ZNF512: variants seen among roughly 807,000 people sequenced by gnomAD.
ZNF512 encodes zinc finger protein 512.
Under a neutral mutation model 77.5 loss-of-function variants are expected in ZNF512, and 25 were observed. The observed-to-expected ratio is 0.32, with a 90% CI of 0.23 to 0.45. ZNF512 has a LOEUF of 0.45. ZNF512 is among the 20% of genes least tolerant of loss of function. The pLI is 1.00. For synonymous variants in ZNF512, 246 were observed against 239.9 expected, an observed-to-expected ratio of 1.03 and a Z score of -0.24; for missense variants, 483 against 692.6, an observed-to-expected ratio of 0.70 and a Z score of 3.40.
At chr2:27,592,646 C>T (rs1414752069) in intron 2 of ZNF512, among the ~76,000 whole-genome samples, 1 of 137,188 alleles carries the variant, frequency 7.3e-6, no homozygotes, top group Non-Finnish European at 1.6e-5. Flanking sequence ...AAAGTATACC[C>T]ATATAATTTA....
Position 27,617,453 on chromosome 2 carries a change from T to C in ZNF512, c.1297-20T>C, listed in dbSNP as rs1572937405. On this transcript the variant is annotated intron_variant, in intron 12 of 13. Transcript: ENST00000355467. The stretch of plus-strand genomic sequence containing the variant: ...GCTGAATTTACCAGTAATTCTTTTT[T>C]GTTTCTCTCTTGGAAATAGGGAAAC... 7 of 996,026 alleles carry C rather than the reference T, an allele frequency of 7.0e-6. No homozygotes were observed. In the East Asian group the frequency reaches 1.7e-4, roughly 24 times the overall value. 61.7% of individuals were successfully genotyped at this position (996,026 alleles called of 1,614,324 possible).
intron 10 of ZNF512, among the ~76,000 whole-genome samples, chr2:27,609,034 G>A (rs1256718262): frequency 2.6e-5 from 4 of 151,766 alleles, no homozygotes; most frequent in African/African-American, 4.8e-5. Flanking sequence ...GCTTGAACCC[G>A]GGAGGTGGAG....
intron 2 of ZNF512, 51 bp downstream of exon 2, chr2:27,583,767 C>T (rs961457637): frequency 1.3e-6 from 2 of 1,589,866 alleles, no homozygotes; most frequent in Non-Finnish European, 1.7e-6. Context: ...CAGCGCTGAC[C>T]AGTAGAACTT....
chr2:27,593,025 C>G (rs929623558), intron 2 of ZNF512, among the ~76,000 whole-genome samples: 5 of 151,670 alleles, frequency 3.3e-5, no homozygotes, highest in African/African-American at 4.8e-5. Flanking sequence ...TCTCTTCACT[C>G]CCTCATGTCT....
At chr2:27,599,110 T>A (rs1340374621) in intron 3 of ZNF512, among the ~76,000 whole-genome samples, 5 of 152,130 alleles carry the variant, frequency 3.3e-5, no homozygotes, top group Non-Finnish European at 7.3e-5. Context: ...GTCTGTAATC[T>A]CAAAGTGCTG....
chr2:27,602,438 C>T, intron 7 of ZNF512, 25 bp from the exon 8 acceptor site: 1 of 1,599,248 alleles, frequency 6.3e-7, no homozygotes, highest in African/African-American at 1.3e-5. Context: ...GAATCATCTT[C>T]TTGTTTACTT....
At chr2:27,606,414 G>A (rs1416250842) in intron 9 of ZNF512, among the ~76,000 whole-genome samples, 1 of 151,442 alleles carries the variant, frequency 6.6e-6, no homozygotes, top group Non-Finnish European at 1.5e-5. Context: ...CCAGGCTGGA[G>A]TGCAGTGGTG....
intron 2 of ZNF512, among the ~76,000 whole-genome samples, chr2:27,585,731 T>G (rs1360855877): frequency 1.3e-5 from 2 of 151,988 alleles, no homozygotes; most frequent in Non-Finnish European, 2.9e-5. Context: ...CAGAAAGGAG[T>G]TGAAAATAGG....
chr2:27,583,295 T>C, intron 1 of ZNF512, 153 bp downstream of exon 1: 1 of 1,332,230 alleles, frequency 7.5e-7, no homozygotes, highest in South Asian at 1.2e-5. Context: ...CCTTTTTCTT[T>C]ACCCACGTTC....
chr2:27,621,300 C>A lies in ZNF512; in HGVS notation c.1543C>A (p.Pro515Thr). 1 of 1,614,106 alleles carries A rather than the reference C, an allele frequency of 6.2e-7. No individual in the cohort carries two copies. Among genetic ancestry groups the A allele is most frequent in the Middle Eastern group, 1.6e-4 (1 of 6,062 alleles). The change falls in exon 14 of 14, where the codon CCC (proline) becomes ACC (threonine). Residue 515 changes from proline to threonine, a missense_variant. Physicochemically the swap from Pro to Thr is conservative, Grantham distance 38 (BLOSUM62 -1). This residue lies in a region of ZNF512 where 324 missense variants were observed against 525.0 expected (regional missense o/e 0.62). Coordinates refer to ENST00000355467, the MANE Select transcript of ZNF512 (RefSeq NM_032434.4). ...GCGGCAGCAGCCTGGCATTGAGCTT[C>A]CCGAGACAGAGCTGAGTCTTAGAGT... ...RRRQQPGIEL[P>T]ETELSLRVGK... is the part of the protein sequence containing the mutation.
intron 10 of ZNF512, among the ~76,000 whole-genome samples, chr2:27,609,109 C>CA (rs770612268): frequency 0.023 from 2,104 of 91,268 alleles, 14 homozygotes; most frequent in Admixed American, 0.027. Context: ...ACTCTGTCTC[C>CA]AAAAAAAAAA....
chr2:27,598,986 C>T (rs1349208514), intron 3 of ZNF512, among the ~76,000 whole-genome samples: 1 of 152,128 alleles, frequency 6.6e-6, no homozygotes. Flanking sequence ...GGATTACAGG[C>T]ATGTGCCACC....
chr2:27,622,839 T>G lies in ZNF512; in HGVS notation c.*1378T>G, dbSNP rs1321702556. 1 of 152,846 alleles carries G rather than the reference T, an allele frequency of 6.5e-6. No homozygotes were observed. Among genetic ancestry groups the G allele is most frequent in the African/African-American group, 2.4e-5 (1 of 41,478 alleles). 9.5% of individuals were successfully genotyped at this position (152,846 alleles called of 1,614,324 possible). ...TGTGCTCCTCCAAATAGCTTTAAAA[T>G]GTGGGCTTTTGTGAAGACCACTTTC... On this transcript the variant is annotated 3_prime_UTR_variant, in exon 14 of 14. Transcript: ENST00000355467.
rs757231191 is a variant in ZNF512 at position 27,598,200 on chromosome 2, A to G, written c.223A>G (p.Thr75Ala). The change falls in exon 3 of 14, where the codon ACC (threonine) becomes GCC (alanine). Residue 75 changes from threonine to alanine, a missense_variant. Transcript: ENST00000355467. ...TTTTCCAGCATCTTTCCGAAAATCT[A>G]CCTACTGGATGAAGATGAGAAGAAT... is the stretch of plus-strand genomic sequence containing the variant. ...SDFPASFRKS[T>A]YWMKMRRIKP... The G allele has an allele frequency of 4.3e-6, 7 of 1,614,012 alleles. No homozygotes were observed. In the South Asian group the frequency reaches 4.4e-5, roughly 10 times the overall value.
chr2:27,616,378 A>G (rs1055508460), intron 12 of ZNF512, 54 bp downstream of exon 12: 1 of 1,381,754 alleles, frequency 7.2e-7, no homozygotes. Context: ...ATAGTCTGAC[A>G]TGGAAGAGAA....
At chr2:27,592,000 T>A (rs572661775) in intron 2 of ZNF512, among the ~76,000 whole-genome samples, 2 of 152,190 alleles carry the variant, frequency 1.3e-5, no homozygotes, top group Non-Finnish European at 2.9e-5. Flanking sequence ...ATTTAAACAA[T>A]TTTTTTGAGA....
chr2:27,613,079 T>C (rs1672734453), intron 10 of ZNF512, among the ~76,000 whole-genome samples: 1 of 152,194 alleles, frequency 6.6e-6, no homozygotes, highest in Admixed American at 6.5e-5. Flanking sequence ...ACCAAACTCA[T>C]TCGTTTTTAG....
rs554330478 is a variant in ZNF512 at position 27,605,595 on chromosome 2, C to G, written c.937-2250C>G. 3.3e-5 allele frequency among the ~76,000 whole-genome samples: 5 copies of G among 152,140 alleles called. No homozygotes were observed. In the East Asian group the frequency reaches 9.8e-4, roughly 30 times the overall value. On this transcript the variant is annotated intron_variant, in intron 9 of 13. Transcript: ENST00000355467. ...GGCTCAAGCCATCCTCCCACCTCAG[C>G]CTCCCAAGTAGCTGGGATTATAGGC...
chr2:27,608,938 C>T (rs1391938982), intron 10 of ZNF512, among the ~76,000 whole-genome samples: 1 of 151,318 alleles, frequency 6.6e-6, no homozygotes, highest in East Asian at 2.0e-4. Context: ...GTGAAACCCC[C>T]TCTCTACTAA....
Sources: gnomAD v4.1 joint callset for allele counts (sites outside exome capture counted in the v4.1 genomes callset) on GRCh38, gnomAD v4.1.1 for gene constraint, gnomAD v4.1.1 regional missense constraint, MANE v1.5 for transcripts, NCBI Gene and HGNC (gene_info 2026-07-23, HGNC 2026-07-21) for gene names.